The following ZNF326 variants were observed in gnomAD, a reference collection of about 807,000 sequenced individuals.
ZNF326 encodes the protein DBIRD complex subunit ZNF326.
A neutral mutation model predicts 63.1 loss-of-function variants in ZNF326; 30 were observed. That is an observed-to-expected ratio of 0.48 (90% CI 0.36 to 0.64). ZNF326 has a LOEUF of 0.64. ZNF326 is among the 30% of genes least tolerant of loss of function. The pLI is 0.00. For missense variants in ZNF326, 609 were observed against 720.3 expected, an observed-to-expected ratio of 0.85 and a Z score of 1.77; for synonymous variants, 194 against 228.2, an observed-to-expected ratio of 0.85 and a Z score of 1.35.
rs540518255 is a variant in ZNF326 at position 90,022,460 on chromosome 1, T to G, written c.1401+115T>G. 48 of 777,846 alleles carry G rather than the reference T, an allele frequency of 6.2e-5. No individual in the cohort carries two copies. The South Asian group carries it at 8.6e-4, about 14-fold the overall frequency. The allele number at this position is 777,846 out of a possible 1,614,324, so 48.2% of individuals were successfully genotyped here. On this transcript the variant is annotated intron_variant, in intron 11 of 11. Coordinates refer to ENST00000340281, the MANE Select transcript of ZNF326 (RefSeq NM_182976.4). ...ATAGTATAACATATTAAGAAGAATT[T>G]TACTCAGTATCTTGCATATAGGTAA...
rs1316137298 is a variant in ZNF326 at position 90,005,130 on chromosome 1, T to C, written c.98-3T>C. ...TAACTTTTTTCTTTTTAAACTCTTATAGGGATGGATCGTGACTATGGCCAT... is the reference window on the plus strand; with the variant it reads ...TAACTTTTTTCTTTTTAAACTCTTACAGGGATGGATCGTGACTATGGCCAT... On this transcript the variant is annotated splice_region_variant and splice_polypyrimidine_tract_variant and intron_variant, in intron 3 of 11. Coordinates refer to ENST00000340281, the MANE Select transcript of ZNF326 (RefSeq NM_182976.4). 1.4e-5 allele frequency: 22 copies of C among 1,613,934 alleles called. No homozygotes were observed. The highest frequency in any genetic ancestry group is 2.2e-5 in the South Asian group (2 of 91,076).
intron 7 of ZNF326, among the ~76,000 whole-genome samples, chr1:90,014,073 A>C (rs1649381493): frequency 6.6e-6 from 1 of 152,008 alleles, no homozygotes; most frequent in South Asian, 2.1e-4. Flanking sequence ...TCAAAAAAAA[A>C]AAGAGGGGAA....
intron 5 of ZNF326, 83 bp from the exon 6 acceptor site, chr1:90,010,005 G>T: frequency 7.4e-7 from 1 of 1,355,062 alleles, no homozygotes; most frequent in South Asian, 1.4e-5. Context: ...AAAATTAGTA[G>T]ATAGTTAACA....
chr1:90,022,268 A>C lies in ZNF326; in HGVS notation c.1324A>C (p.Lys442Gln). The C allele has an allele frequency of 6.2e-7, 1 of 1,612,194 alleles. No homozygotes were observed. Among genetic ancestry groups the C allele is most frequent in the Non-Finnish European group, 8.5e-7 (1 of 1,178,984 alleles). The stretch of plus-strand genomic sequence containing the variant: ...TTTATAGGCTTATAAGGAACAAATA[A>C]AAAGAGAGAGTGTCTTGACTGCTAC... ...KGKQAYKEQI[K>Q]RESVLTATSI... The change falls in exon 11 of 12, where the codon AAA becomes CAA. Residue 442 changes from lysine (K) to glutamine (Q), a missense_variant. By Grantham distance (53) the Lys-to-Gln change is moderately conservative. Coordinates refer to ENST00000340281, the MANE Select transcript of ZNF326 (RefSeq NM_182976.4).
At chr1:90,001,410 C>A (rs915857004) in intron 2 of ZNF326, among the ~76,000 whole-genome samples, 1 of 152,098 alleles carries the variant, frequency 6.6e-6, no homozygotes, top group Non-Finnish European at 1.5e-5. Context: ...AGCAGGAAAA[C>A]CAGTTAGGAG....
chr1:90,021,031 C>T (rs1649744007), intron 10 of ZNF326, 109 bp downstream of exon 10: 2 of 1,175,876 alleles, frequency 1.7e-6, no homozygotes, highest in East Asian at 2.5e-5. Flanking sequence ...TTATCAATCT[C>T]ATATGGAAAT....
chr1:89,999,428 T>A (rs1246007865), intron 2 of ZNF326, among the ~76,000 whole-genome samples: 1 of 152,226 alleles, frequency 6.6e-6, no homozygotes, highest in Admixed American at 6.5e-5. Context: ...ATTTAATGTC[T>A]AAACATAGGA....
rs183792146 is a variant in ZNF326 at position 89,998,605 on chromosome 1, G to T, written c.61+451G>T. ...CAAATGTGTTAGTATATAAAGAGCT[G>T]TCTAGAGGAGCACATGAAGAAGCTT... On this transcript the variant is annotated intron_variant, in intron 2 of 11. Coordinates refer to ENST00000340281, the MANE Select transcript of ZNF326 (RefSeq NM_182976.4). 2.0e-5 allele frequency among the ~76,000 whole-genome samples: 3 copies of T among 152,292 alleles called. No homozygotes were observed. In the East Asian group the frequency reaches 5.8e-4, roughly 29 times the overall value.
At position 90,034,386 on chromosome 1, in the gene ZNF326, G is replaced by A. The variant is rs1026820516; in HGVS notation, c.*6685G>A. ...TTGTCAAATTTATAATCATAGCTAC[G>A]TATTTGAACACAGCGCTTAGAAATT... On this transcript the variant is annotated 3_prime_UTR_variant, in exon 12 of 12. Transcript: ENST00000340281. 5 of 152,080 alleles carry A rather than the reference G, an allele frequency of 3.3e-5. No homozygotes were observed. The highest frequency in any genetic ancestry group is 2.1e-4 in the South Asian group (1 of 4,824). 9.4% of individuals were successfully genotyped at this position (152,080 alleles called of 1,614,324 possible).
rs1648923018 is a variant in ZNF326, at chr1:90,005,188, C to T, written c.153C>T (p.Ser51=). The change falls in exon 4 of 12, where the codon TCC becomes TCT. Residue 51 remains serine (S), a synonymous_variant. Transcript: ENST00000340281. ...ATGGGGGTCAGAGATCCATGGATTC[C>T]TACCTAAACCAGTCATATGGCATGG... ...GSYGGQRSMD[S]YLNQSYGMDN... The T allele has an allele frequency of 6.2e-7, 1 of 1,613,820 alleles. No individual in the cohort carries two copies. The highest frequency in any genetic ancestry group is 1.3e-5 in the African/African-American group (1 of 74,872).
intron 5 of ZNF326, 128 bp from the exon 6 acceptor site, chr1:90,009,960 T>C (rs1570303838): frequency 1.2e-6 from 1 of 826,840 alleles, no homozygotes; most frequent in African/African-American, 1.7e-5. Context: ...AATGGACATG[T>C]AAAATTTAGT....
chr1:90,022,405 T>G, intron 11 of ZNF326, 60 bp downstream of exon 11: 1 of 1,228,422 alleles, frequency 8.1e-7, no homozygotes, highest in Non-Finnish European at 1.2e-6. Context: ...AATTAACTGG[T>G]GACATAGTAA....
intron 11 of ZNF326, among the ~76,000 whole-genome samples, chr1:90,026,392 C>G (rs1427782008): frequency 6.6e-6 from 1 of 152,194 alleles, no homozygotes; most frequent in East Asian, 1.9e-4. Flanking sequence ...CCAATGCACT[C>G]TCTGCAAGCA....
In ZNF326 at chr1:90,017,367, A is replaced by T; in HGVS notation, c.977A>T (p.Asp326Val). Reference sequence around the variant, plus strand: ...AAATTTCGAACATTTGAAGAAAAAGATATTGAACTGCATCTGGAAAGTTCT... The same window carrying T: ...AAATTTCGAACATTTGAAGAAAAAGTTATTGAACTGCATCTGGAAAGTTCT... ...FCKFRTFEEKDIELHLESSSH... is the reference protein window; with the variant it reads ...FCKFRTFEEKVIELHLESSSH... Residue 326 changes from aspartate (D) to valine (V), a missense_variant, in exon 8 of 12, where the codon GAT (aspartate) becomes GTT (valine). Around this residue, in one of 3 missense-constraint regions of ZNF326, gnomAD observed 399 missense variants for 444.3 expected, o/e 0.90. Transcript: ENST00000340281. 2 of 1,606,926 alleles carry T rather than the reference A, an allele frequency of 1.2e-6. No homozygotes were observed. Among genetic ancestry groups the T allele is most frequent in the Non-Finnish European group, 8.5e-7 (1 of 1,177,824 alleles).
intron 10 of ZNF326, 85 bp downstream of exon 10, chr1:90,021,007 G>A: frequency 7.3e-7 from 1 of 1,363,626 alleles, no homozygotes; most frequent in Admixed American, 2.1e-5. Context: ...ACACCTATCT[G>A]CAATTTTATC....
At position 90,013,239 on chromosome 1, in the gene ZNF326, T is replaced by C; in HGVS notation, c.926+2T>C. ...TGAGAAATACGGAGATGGATACAGG[T>C]TTGTACTTAGAGTCAGAAAATTAGG... On this transcript the variant is annotated splice_donor_variant, in intron 7 of 11. Transcript: ENST00000340281. LOFTEE classifies it high-confidence loss of function. 6.4e-7 allele frequency: 1 copy of C among 1,565,948 alleles called. No homozygotes were observed. The highest frequency in any genetic ancestry group is 1.2e-5 in the South Asian group (1 of 81,752).
rs754401771 is a variant in ZNF326 at position 90,027,666 on chromosome 1, G to C, written c.1714G>C (p.Ala572Pro). 1.2e-6 allele frequency: 2 copies of C among 1,613,928 alleles called. No individual in the cohort carries two copies. Among genetic ancestry groups the C allele is most frequent in the East Asian group, 2.2e-5 (1 of 44,874 alleles). ...LEEETAKEEP[A>P]DFPVEQPEEN ...GGAAGAGACAGCAAAGGAAGAACCT[G>C]CTGACTTCCCTGTTGAGCAACCTGA... The change falls in exon 12 of 12, where the codon GCT (alanine) becomes CCT (proline). Residue 572 changes from alanine (A) to proline (P), a missense_variant. Coordinates refer to ENST00000340281, the MANE Select transcript of ZNF326 (RefSeq NM_182976.4).
In ZNF326 at chr1:90,031,349, A is replaced by C. The variant is rs1650262263; in HGVS notation, c.*3648A>C. ...AGTGCATGTTGAAATGTATTTAAGAACTCTGTTTTTGTTGGCAAGATTGTT... is the reference window on the plus strand; with the variant it reads ...AGTGCATGTTGAAATGTATTTAAGACCTCTGTTTTTGTTGGCAAGATTGTT... On this transcript the variant is annotated 3_prime_UTR_variant, in exon 12 of 12. Coordinates refer to ENST00000340281, the MANE Select transcript of ZNF326 (RefSeq NM_182976.4). The C allele has an allele frequency of 6.6e-6, 1 of 152,048 alleles. No homozygotes were observed. Among genetic ancestry groups the C allele is most frequent in the African/African-American group, 2.4e-5 (1 of 41,394 alleles). The allele number at this position is 152,048 out of a possible 1,614,324, so 9.4% of individuals were successfully genotyped here.
Position 90,028,211 on chromosome 1 carries a change from A to G in ZNF326, c.*510A>G, listed in dbSNP as rs1444362139. ...CCATGTTTCCCTTTGTAGCAATAAA[A>G]TGTTTTTTACGAAAACTTTCTCCCT... On this transcript the variant is annotated 3_prime_UTR_variant, in exon 12 of 12. Coordinates refer to ENST00000340281, the MANE Select transcript of ZNF326 (RefSeq NM_182976.4). 6.5e-6 allele frequency: 1 copy of G among 153,566 alleles called. No homozygotes were observed. Among genetic ancestry groups the G allele is most frequent in the African/African-American group, 2.4e-5 (1 of 41,466 alleles). 9.5% of individuals were successfully genotyped at this position (153,566 alleles called of 1,614,324 possible).
Sources: gnomAD v4.1 joint callset for allele counts (sites outside exome capture counted in the v4.1 genomes callset) on GRCh38, gnomAD v4.1.1 for gene constraint, gnomAD v4.1.1 regional missense constraint, MANE v1.5 for transcripts, NCBI Gene and HGNC (gene_info 2026-07-23, HGNC 2026-07-21) for gene names.